Variants in MTHFD1L observed in about 807,000 individuals in gnomAD.
MTHFD1L encodes the protein methylenetetrahydrofolate dehydrogenase (NADP+ dependent) 1 like.
MTHFD1L carries 81 observed loss-of-function variants against 119.5 expected under a neutral mutation model. The ratio of observed to expected loss-of-function variants is 0.68; its 90% CI spans 0.57 to 0.82. The LOEUF is 0.82. Ranked by LOEUF, MTHFD1L falls within the 40% of genes least tolerant of loss-of-function variation. The probability of loss-of-function intolerance (pLI) is 0.00; values close to 1 mark genes in which losing one functional copy is unlikely to be tolerated. For missense variants in MTHFD1L, 1,125 were observed against 1,253.4 expected (o/e 0.90, Z 1.55); for synonymous variants, 430 against 475.2 (o/e 0.90, Z 1.24).
chr6:150,916,404 C>T (rs545351491), intron 8 of MTHFD1L, among the ~76,000 whole-genome samples: 7 of 131,794 alleles, frequency 5.3e-5, no homozygotes, highest in African/African-American at 8.6e-5. Flanking sequence ...CAGGTTCAAG[C>T]GATTCTCTGC....
chr6:150,993,180 C>A (rs1183350544), intron 20 of MTHFD1L, among the ~76,000 whole-genome samples: 22 of 152,110 alleles, frequency 1.4e-4, no homozygotes, highest in Non-Finnish European at 8.8e-5. Flanking sequence ...CAGGGACAGG[C>A]AACAATTTCA....
chr6:151,014,637 G>T (rs912956416), intron 22 of MTHFD1L, among the ~76,000 whole-genome samples: 2 of 152,234 alleles, frequency 1.3e-5, no homozygotes, highest in Non-Finnish European at 2.9e-5. Flanking sequence ...CATAGACCCT[G>T]CAGCCTGTCC....
chr6:150,950,531 T>G (rs1794695092), intron 16 of MTHFD1L, among the ~76,000 whole-genome samples: 1 of 152,222 alleles, frequency 6.6e-6, no homozygotes, highest in South Asian at 2.1e-4. Flanking sequence ...TTTCCTCATC[T>G]TTAAAATGGA....
chr6:151,101,370 C>T (rs755402602), intron 27 of MTHFD1L, among the ~76,000 whole-genome samples, 156 bp from the exon 28 acceptor site: 6 of 152,092 alleles, frequency 3.9e-5, no homozygotes, highest in Non-Finnish European at 7.4e-5. Flanking sequence ...GTAAAATATT[C>T]CAAACACAGA....
At position 150,996,485 on chromosome 6, in the gene MTHFD1L, A is replaced by G. The variant is rs1164288711; in HGVS notation, c.2126-13334A>G. Reference sequence around the variant, plus strand: ...TGCCTGGTTCTTGTCACCATTCTTAACATCAGCAGCAGCAGAAAAACCCCC... The same window carrying G: ...TGCCTGGTTCTTGTCACCATTCTTAGCATCAGCAGCAGCAGAAAAACCCCC... On this transcript the variant is annotated intron_variant, in intron 20 of 27. Transcript: ENST00000367321. Among the ~76,000 whole-genome samples, 3 of 152,090 alleles carry G rather than the reference A, an allele frequency of 2.0e-5. No individual in the cohort carries two copies. The East Asian group carries it at 5.8e-4, about 29-fold the overall frequency.
chr6:150,903,711 G>A (rs958592064), intron 7 of MTHFD1L, among the ~76,000 whole-genome samples: 9 of 152,178 alleles, frequency 5.9e-5, no homozygotes, highest in African/African-American at 2.2e-4. Flanking sequence ...CAGCATGGCA[G>A]CATGAGCCAA....
At chr6:151,098,300 A>T (rs752289648) in intron 27 of MTHFD1L, among the ~76,000 whole-genome samples, 1 of 152,188 alleles carries the variant, frequency 6.6e-6, no homozygotes, top group Non-Finnish European at 1.5e-5. Context: ...TGATTTGTTC[A>T]GTCCCAAGTC....
intron 17 of MTHFD1L, 66 bp downstream of exon 17, chr6:150,956,137 C>A: frequency 6.7e-7 from 1 of 1,491,416 alleles, no homozygotes; most frequent in African/African-American, 1.4e-5. Flanking sequence ...CCTGGGAGCT[C>A]ACTCTTTGCC....
At chr6:151,066,720 G>A (rs1458158619) in intron 26 of MTHFD1L, among the ~76,000 whole-genome samples, 1 of 149,252 alleles carries the variant, frequency 6.7e-6, no homozygotes, top group East Asian at 2.0e-4. Context: ...AGCCAAGATT[G>A]CGCCATTGCA....
chr6:150,917,507 A>T (rs563859766), intron 8 of MTHFD1L, among the ~76,000 whole-genome samples: 2,318 of 151,776 alleles, frequency 0.015, 65 homozygotes, highest in African/African-American at 0.052. Flanking sequence ...AAAAAAAAAA[A>T]TTTTTTTAGA....
intron 27 of MTHFD1L, among the ~76,000 whole-genome samples, chr6:151,095,771 A>G (rs1794849238): frequency 6.6e-6 from 1 of 152,188 alleles, no homozygotes; most frequent in Non-Finnish European, 1.5e-5. Flanking sequence ...GACGGAGCCT[A>G]CCCCTTGGTC....
chr6:151,088,623 A>AT (rs71014539), intron 26 of MTHFD1L, among the ~76,000 whole-genome samples: 5,173 of 128,574 alleles, frequency 0.04, 337 homozygotes, highest in African/African-American at 0.12. Context: ...CACCCAGCTA[A>AT]TTTTTTTTTT....
intron 20 of MTHFD1L, among the ~76,000 whole-genome samples, chr6:150,974,042 G>T (rs538868964): frequency 2.4e-4 from 37 of 152,204 alleles, no homozygotes; most frequent in Non-Finnish European, 4.3e-4. Flanking sequence ...GCCGTAAGTG[G>T]GGGGGTTTTT....
At chr6:151,084,376 C>T (rs889985764) in intron 26 of MTHFD1L, among the ~76,000 whole-genome samples, 17 of 152,116 alleles carry the variant, frequency 1.1e-4, no homozygotes, top group African/African-American at 3.1e-4. Context: ...TTCCGGGCAC[C>T]GGAGCAGGAC....
chr6:150,988,558 A>C (rs1164434753), intron 20 of MTHFD1L, among the ~76,000 whole-genome samples: 1 of 141,418 alleles, frequency 7.1e-6, no homozygotes, highest in Non-Finnish European at 1.5e-5. Context: ...ACCTCTTAAC[A>C]TCTTTTGTGG....
intron 1 of MTHFD1L, among the ~76,000 whole-genome samples, chr6:150,869,099 CA>C (rs1438635991): frequency 2.0e-5 from 3 of 152,120 alleles, no homozygotes; most frequent in Non-Finnish European, 4.4e-5. Context: ...AAGGTATGTA[CA>C]TTTTTTAGAC....
At chr6:150,876,196 G>C (rs1780412375) in intron 2 of MTHFD1L, 22 bp downstream of exon 2, 2 of 1,519,928 alleles carry the variant, frequency 1.3e-6, no homozygotes, top group African/African-American at 2.8e-5. Flanking sequence ...ACAAGGTTCA[G>C]TCCTACTATT....
intron 27 of MTHFD1L, among the ~76,000 whole-genome samples, chr6:151,095,622 T>C (rs1388950348): frequency 6.6e-6 from 1 of 152,258 alleles, no homozygotes; most frequent in African/African-American, 2.4e-5. Context: ...AGATCTTATA[T>C]ACGGGGCCTG....
At chr6:151,053,859 CAAAAAAA>C (rs202176337) in intron 26 of MTHFD1L, among the ~76,000 whole-genome samples, 1 of 75,532 alleles carries the variant, frequency 1.3e-5, no homozygotes, top group Non-Finnish European at 2.8e-5. Flanking sequence ...GACTCCATCT[CAAAAAAA>C]AAAAAAAAAA....
Sources: allele counts gnomAD v4.1 joint callset (sites outside exome capture counted in the v4.1 genomes callset), GRCh38; gene constraint gnomAD v4.1.1; transcripts MANE v1.5; gene names NCBI Gene and HGNC (gene_info 2026-07-23, HGNC 2026-07-21).